RNPEP: variants seen among roughly 807,000 people sequenced by gnomAD.
RNPEP encodes arginyl aminopeptidase.
Under a neutral mutation model 70.1 loss-of-function variants are expected in RNPEP, and 57 were observed. The observed-to-expected ratio is 0.81, with a 90% CI of 0.66 to 1.01. The LOEUF is 1.01. Ranked by LOEUF, RNPEP falls within the 50% of genes least tolerant of loss-of-function variation. RNPEP has a pLI of 0.00. For missense variants in RNPEP, 787 were observed against 852.4 expected (o/e 0.92, Z 0.96); for synonymous variants, 335 against 357.4 (o/e 0.94, Z 0.71).
At chr1:202,004,942 G>A (rs1052499440) in intron 10 of RNPEP, among the ~76,000 whole-genome samples, 3 of 152,310 alleles carry the variant, frequency 2.0e-5, no homozygotes, top group East Asian at 3.9e-4. Context: ...TTGGGGAAAG[G>A]CCCCGGGCTC....
chr1:201,983,379 C>T (rs1683011397), intron 1 of RNPEP: 2 of 1,504,354 alleles, frequency 1.3e-6, no homozygotes, highest in Non-Finnish European at 1.8e-6. Context: ...GCGTCTCCTC[C>T]CTGGCCCTGG....
chr1:201,997,161 G>C (rs1185441586), intron 4 of RNPEP, among the ~76,000 whole-genome samples, 158 bp from the exon 5 acceptor site: 1 of 143,660 alleles, frequency 7.0e-6, no homozygotes, highest in Non-Finnish European at 1.6e-5. Context: ...GAAGCATTGA[G>C]GAGCCTGGGC....
intron 1 of RNPEP, chr1:201,983,422 A>T: frequency 1.4e-6 from 2 of 1,470,964 alleles, no homozygotes. Flanking sequence ...ATTCCCGCTC[A>T]TCGCACACTG....
At position 201,987,239 on chromosome 1, in the gene RNPEP, G is replaced by T. The variant is rs894721744; in HGVS notation, c.448-1665G>T. Among the ~76,000 whole-genome samples, 4 of 151,914 alleles carry T rather than the reference G, an allele frequency of 2.6e-5. No individual in the cohort carries two copies. The South Asian group carries it at 8.3e-4, about 32-fold the overall frequency. ...TCCTTTCCAGCCATCTCAATCCTGCGTGTCTTTGAAGGTCCAGCCAGAAAG... is the reference window on the plus strand; with the variant it reads ...TCCTTTCCAGCCATCTCAATCCTGCTTGTCTTTGAAGGTCCAGCCAGAAAG... On this transcript the variant is annotated intron_variant, in intron 1 of 10. Coordinates refer to ENST00000295640, the MANE Select transcript of RNPEP (RefSeq NM_020216.4).
chr1:201,998,415 T>C (rs115743064), intron 5 of RNPEP, among the ~76,000 whole-genome samples: 1,909 of 152,162 alleles, frequency 0.013, 39 homozygotes, highest in African/African-American at 0.043. Context: ...CCAGCTAGTT[T>C]TTATGTTTTT....
chr1:201,996,465 T>TGGTGTGTG, intron 4 of RNPEP: 1 of 230,686 alleles, frequency 4.3e-6, no homozygotes. Flanking sequence ...ATGAGGTTCT[T>TGGTGTGTG]TGTGTGTGTG....
intron 1 of RNPEP, 73 bp downstream of exon 1, chr1:201,983,186 C>G: frequency 7.1e-7 from 1 of 1,415,758 alleles, no homozygotes; most frequent in Non-Finnish European, 9.1e-7. Flanking sequence ...GCACCCTCAC[C>G]TACCCCACCC....
At chr1:201,989,651 G>A in intron 3 of RNPEP, 120 bp downstream of exon 3, 2 of 1,021,030 alleles carry the variant, frequency 2.0e-6, no homozygotes, top group Non-Finnish European at 2.9e-6. Context: ...TGAGTCCAGA[G>A]CCTTTCTGCA....
chr1:202,001,432 G>T lies in RNPEP; in HGVS notation c.1261G>T (p.Val421Phe). 1.9e-6 allele frequency: 3 copies of T among 1,614,022 alleles called. No individual in the cohort carries two copies. Among genetic ancestry groups the T allele is most frequent in the South Asian group, 2.2e-5 (2 of 91,074 alleles). Residue 421 changes from valine (V) to phenylalanine (F), a missense_variant, in exon 7 of 11, where the codon GTT becomes TTT. Coordinates refer to ENST00000295640, the MANE Select transcript of RNPEP (RefSeq NM_020216.4). ...CCCCTACGAGAAAGGTTTCTGCTTT[G>T]TTTCATACCTGGCCCACTTGGTGGG... ...ETPYEKGFCF[V>F]SYLAHLVGDQ...
At chr1:202,001,796 C>T (rs770902532) in intron 8 of RNPEP, 29 bp downstream of exon 8, 8 of 1,320,180 alleles carry the variant, frequency 6.1e-6, no homozygotes, top group Admixed American at 1.7e-5. Context: ...CCACAGGCTT[C>T]TAAAAAATAG....
intron 1 of RNPEP, among the ~76,000 whole-genome samples, chr1:201,984,821 C>CTTTTTTCTTTTTCTTTTTTT (rs1558257963): frequency 9.0e-5 from 11 of 122,046 alleles, no homozygotes; most frequent in African/African-American, 2.9e-4. Context: ...GTATTTCTTT[C>CTTTTTTCTTTTTCTTTTTTT]TTTTTTTTTT....
chr1:201,987,589 C>T (rs371971913), intron 1 of RNPEP, among the ~76,000 whole-genome samples: 16 of 151,830 alleles, frequency 1.1e-4, no homozygotes, highest in African/African-American at 3.9e-4. Context: ...AGGTGCATGC[C>T]ATCACACCCG....
chr1:202,000,023 A>C lies in RNPEP; in HGVS notation c.1204+8A>C. On this transcript the variant is annotated splice_region_variant and intron_variant, in intron 6 of 10. Coordinates refer to ENST00000295640, the MANE Select transcript of RNPEP (RefSeq NM_020216.4). Reference sequence around the variant, plus strand: ...GCGTGAAGATTGAACCAGGTCCAGGAGGCTCCTCTGTCTGACACCCACTCC... The same window carrying C: ...GCGTGAAGATTGAACCAGGTCCAGGCGGCTCCTCTGTCTGACACCCACTCC... The C allele has an allele frequency of 1.9e-6, 3 of 1,605,376 alleles. No individual in the cohort carries two copies. The highest frequency in any genetic ancestry group is 1.7e-6 in the Non-Finnish European group (2 of 1,173,120).
Position 202,005,797 on chromosome 1 carries a change from G to A in RNPEP, c.*81G>A. 1 of 1,508,380 alleles carries A rather than the reference G, an allele frequency of 6.6e-7. No homozygotes were observed. Among genetic ancestry groups the A allele is most frequent in the South Asian group, 1.1e-5 (1 of 87,018 alleles). 93.4% of individuals were successfully genotyped at this position (1,508,380 alleles called of 1,614,324 possible). ...GTTTGTTCCCAAATTCCTGTTCCCT[G>A]ATCAACTTCCTGGAGTTTATATCCC... On this transcript the variant is annotated 3_prime_UTR_variant, in exon 11 of 11. Coordinates refer to ENST00000295640, the MANE Select transcript of RNPEP (RefSeq NM_020216.4).
intron 3 of RNPEP, among the ~76,000 whole-genome samples, chr1:201,990,857 G>T (rs1270429413): frequency 6.6e-6 from 1 of 152,190 alleles, no homozygotes; most frequent in Non-Finnish European, 1.5e-5. Context: ...ATAAGTAAAG[G>T]AACGTCGTTT....
In RNPEP at chr1:201,982,766, T is replaced by C. The variant is rs1682981157; in HGVS notation, c.100T>C (p.Phe34Leu). Residue 34 changes from phenylalanine (F) to leucine (L), a missense_variant, in exon 1 of 11, where the codon TTT becomes CTT. Phe to Leu is a conservative substitution (Grantham distance 22). Transcript: ENST00000295640. ...GGCCTCGGCCTCCAACTTCCGGGCCTTTGAGCTGCTGCACTTGCACCTGGA... is the reference window on the plus strand; with the variant it reads ...GGCCTCGGCCTCCAACTTCCGGGCCCTTGAGCTGCTGCACTTGCACCTGGA... ...DVASASNFRA[F>L]ELLHLHLDLR... 2 of 1,362,288 alleles carry C rather than the reference T, an allele frequency of 1.5e-6. No individual in the cohort carries two copies. Among genetic ancestry groups the C allele is most frequent in the Middle Eastern group, 2.0e-4 (1 of 4,932 alleles). 84.4% of individuals were successfully genotyped at this position (1,362,288 alleles called of 1,614,324 possible). A position where few individuals can be genotyped will look rare whatever the true frequency, so the allele number is the denominator to read the frequency against.
At chr1:201,984,405 T>C (rs1185275077) in intron 1 of RNPEP, among the ~76,000 whole-genome samples, 1 of 152,230 alleles carries the variant, frequency 6.6e-6, no homozygotes, top group Non-Finnish European at 1.5e-5. Flanking sequence ...TTTGAGTTTC[T>C]GATGAGCCTT....
chr1:202,005,730 T>G lies in RNPEP; in HGVS notation c.*14T>G, dbSNP rs769990348. ...AAGGGCAGTTAGAGGCTCGTGTGCA[T>G]GGCCCCTGCCTCTTCAGGCTCTCCA... On this transcript the variant is annotated 3_prime_UTR_variant, in exon 11 of 11. Transcript: ENST00000295640. The G allele has an allele frequency of 1.2e-6, 2 of 1,613,788 alleles. No individual in the cohort carries two copies. The highest frequency in any genetic ancestry group is 1.7e-6 in the Non-Finnish European group (2 of 1,179,646).
At chr1:201,983,391 G>A (rs991988731) in intron 1 of RNPEP, 2 of 1,502,806 alleles carry the variant, frequency 1.3e-6, no homozygotes, top group African/African-American at 2.8e-5. Flanking sequence ...TGGCCCTGGA[G>A]GCTTGTCCAG....
Sources: allele counts gnomAD v4.1 joint callset (sites outside exome capture counted in the v4.1 genomes callset), GRCh38; gene constraint gnomAD v4.1.1; transcripts MANE v1.5; gene names NCBI Gene and HGNC (gene_info 2026-07-23, HGNC 2026-07-21).